SAMM50: variants seen among roughly 807,000 people sequenced by gnomAD.
SAMM50 encodes the protein sorting and assembly machinery component 50 homolog.
A neutral mutation model predicts 66.9 loss-of-function variants in SAMM50; 47 were observed. The ratio of observed to expected loss-of-function variants is 0.70; its 90% CI spans 0.56 to 0.90. The LOEUF is 0.90. SAMM50 is among the 40% of genes least tolerant of loss of function. The probability of loss-of-function intolerance (pLI) is 0.00; values close to 1 mark genes in which losing one functional copy is unlikely to be tolerated. For missense variants in SAMM50, 535 were observed against 595.3 expected, an observed-to-expected ratio of 0.90 and a Z score of 1.05; for synonymous variants, 191 against 214.1, an observed-to-expected ratio of 0.89 and a Z score of 0.94.
chr22:43,996,483 T>G lies in SAMM50; in HGVS notation c.*100T>G. The G allele has an allele frequency of 9.0e-7, 1 of 1,115,170 alleles. No individual in the cohort carries two copies. Among genetic ancestry groups the G allele is most frequent in the Middle Eastern group, 2.0e-4 (1 of 5,058 alleles). The allele number at this position is 1,115,170 out of a possible 1,614,324, so 69.1% of individuals were successfully genotyped here. ...AAACGCGGTTCAGCGATTCTTTGAC[T>G]GCGGACCCTGTGGGAAACCCCGTCA... is the stretch of plus-strand genomic sequence containing the variant. On this transcript the variant is annotated 3_prime_UTR_variant, in exon 15 of 15. Coordinates refer to ENST00000350028, the MANE Select transcript of SAMM50 (RefSeq NM_015380.5).
intron 4 of SAMM50, among the ~76,000 whole-genome samples, chr22:43,971,927 G>A (rs1210278105): frequency 1.3e-5 from 2 of 152,064 alleles, no homozygotes; most frequent in Non-Finnish European, 2.9e-5. Context: ...TGAACTCTTG[G>A]CCTGAAAGTG....
intron 1 of SAMM50, chr22:43,957,187 G>A (rs2146802743): frequency 1.1e-5 from 8 of 701,520 alleles, no homozygotes; most frequent in East Asian, 2.5e-5. Flanking sequence ...GAACAACATA[G>A]TGACTCCTGG....
In SAMM50 at chr22:43,989,248, C is replaced by G; in HGVS notation, c.1213C>G (p.Leu405Val). 6.2e-7 allele frequency: 1 copy of G among 1,614,134 alleles called. No individual in the cohort carries two copies. Among genetic ancestry groups the G allele is most frequent in the Non-Finnish European group, 8.5e-7 (1 of 1,180,004 alleles). ...TCTCAACGCAGGAAACCTCTGCAAC[C>G]TCAACTATGGTAAAACTTGCGCTAT... ...FFLNAGNLCN[L>V]NYGEGPKAHI... The change falls in exon 13 of 15, where the codon CTC becomes GTC. Residue 405 changes from leucine to valine, a missense_variant. By Grantham distance (32) the Leu-to-Val change is conservative (BLOSUM62 1). Coordinates refer to ENST00000350028, the MANE Select transcript of SAMM50 (RefSeq NM_015380.5).
At chr22:43,959,762 G>A (rs1414338285) in intron 1 of SAMM50, among the ~76,000 whole-genome samples, 1 of 152,152 alleles carries the variant, frequency 6.6e-6, no homozygotes, top group African/African-American at 2.4e-5. Context: ...TTCTATGAGG[G>A]TGAGGTTCTT....
chr22:43,977,569 G>A (rs1035300679), intron 9 of SAMM50, among the ~76,000 whole-genome samples: 4 of 152,154 alleles, frequency 2.6e-5, no homozygotes, highest in South Asian at 2.1e-4. Context: ...CCCAAATGCC[G>A]ATGAAGCCAA....
At chr22:43,986,833 G>T (rs934459502) in intron 12 of SAMM50, 1 of 152,166 alleles carries the variant, frequency 6.6e-6, no homozygotes, top group African/African-American at 2.4e-5. Flanking sequence ...TATTACAGGC[G>T]TGAGTCACTG....
intron 7 of SAMM50, among the ~76,000 whole-genome samples, chr22:43,974,422 G>A (rs954746841): frequency 5.3e-5 from 8 of 152,228 alleles, no homozygotes; most frequent in Non-Finnish European, 1.2e-4. Flanking sequence ...GATGAGAGGC[G>A]TGGTAAAGCT....
rs3083316 is a variant in SAMM50 at position 43,958,476 on chromosome 22, C to CTTTTTT, written c.21+2893_21+2898dup. 3.1e-3 allele frequency among the ~76,000 whole-genome samples: 354 copies of CTTTTTT among 112,516 alleles called. 14 individuals carry two copies. The highest frequency in any genetic ancestry group is 7.8e-3 in the South Asian group (25 of 3,218). The allele number at this position is 112,516 out of a possible 152,430, so 73.8% of individuals were successfully genotyped here. A position where few individuals can be genotyped will look rare whatever the true frequency, so the allele number is the denominator to read the frequency against. On this transcript the variant is annotated intron_variant, in intron 1 of 14. Coordinates refer to ENST00000350028, the MANE Select transcript of SAMM50 (RefSeq NM_015380.5). ...AAAAAGTATCTGCCTTTATGGAGCT[C>CTTTTTT]TTTTTTTTTTTTTTTTTTTTGAGGC...
chr22:43,956,914 A>G, intron 1 of SAMM50: 1 of 483,760 alleles, frequency 2.1e-6, no homozygotes, highest in South Asian at 3.6e-5. Context: ...GGGGATGCAA[A>G]TAGTATCTGT....
At chr22:43,996,296 T>C (rs1301034510) in intron 14 of SAMM50, 42 bp from the exon 15 acceptor site, 1 of 1,610,588 alleles carries the variant, frequency 6.2e-7, no homozygotes, top group Non-Finnish European at 8.5e-7. Context: ...ATGGCAGGGC[T>C]GGCGGAGCGG....
At chr22:43,996,172 GGAAGCAGCC>G (rs1405895409) in intron 14 of SAMM50, 157 bp from the exon 15 acceptor site, 1 of 748,302 alleles carries the variant, frequency 1.3e-6, no homozygotes, top group Non-Finnish European at 2.4e-6. Flanking sequence ...CAGCAAAGGA[GGAAGCAGCC>G]GGGGCCGGTG....
At chr22:43,969,386 C>T (rs1195195950) in intron 4 of SAMM50, among the ~76,000 whole-genome samples, 5 of 152,206 alleles carry the variant, frequency 3.3e-5, no homozygotes, top group Admixed American at 6.5e-5. Flanking sequence ...GCACCTGCTT[C>T]GAGGCCAGCC....
chr22:43,981,266 C>T (rs906442688), intron 10 of SAMM50, 125 bp from the exon 11 acceptor site: 12 of 743,024 alleles, frequency 1.6e-5, no homozygotes, highest in East Asian at 5.4e-5. Flanking sequence ...TCCTGCGGCC[C>T]TTGCACCCCA....
At chr22:43,979,967 C>G (rs548930606) in intron 10 of SAMM50, among the ~76,000 whole-genome samples, 1 of 150,780 alleles carries the variant, frequency 6.6e-6, no homozygotes, top group East Asian at 2.0e-4. Context: ...TGCAAGCCTT[C>G]TTCAACCTCC....
intron 11 of SAMM50, among the ~76,000 whole-genome samples, chr22:43,982,138 A>G (rs1569032959): frequency 6.6e-6 from 1 of 152,204 alleles, no homozygotes; most frequent in African/African-American, 2.4e-5. Flanking sequence ...GTTAAAATAT[A>G]CTGGTACAGC....
intron 9 of SAMM50, 28 bp from the exon 10 acceptor site, chr22:43,977,844 C>T (rs1260158836): frequency 6.5e-7 from 1 of 1,540,156 alleles, no homozygotes; most frequent in Non-Finnish European, 9.0e-7. Context: ...TGTTTGCTCC[C>T]TTTGACCTGA....
chr22:43,976,463 G>A (rs972399940), intron 8 of SAMM50, among the ~76,000 whole-genome samples: 1 of 152,230 alleles, frequency 6.6e-6, no homozygotes, highest in African/African-American at 2.4e-5. Context: ...ACTGAGGCCA[G>A]GGCGTCGAGC....
chr22:43,973,866 G>A (rs2050217306), intron 7 of SAMM50, among the ~76,000 whole-genome samples: 2 of 152,146 alleles, frequency 1.3e-5, no homozygotes, highest in South Asian at 4.1e-4. Flanking sequence ...GCCCGTCTCA[G>A]CCTCCCAAAG....
intron 10 of SAMM50, among the ~76,000 whole-genome samples, chr22:43,980,552 T>C (rs1569032341): frequency 6.6e-6 from 1 of 151,798 alleles, no homozygotes; most frequent in Non-Finnish European, 1.5e-5. Context: ...CAGGAGGGCC[T>C]TGGAGGCCGG....
Sources: allele counts gnomAD v4.1 joint callset (sites outside exome capture counted in the v4.1 genomes callset), GRCh38; gene constraint gnomAD v4.1.1; transcripts MANE v1.5; gene names NCBI Gene and HGNC (gene_info 2026-07-23, HGNC 2026-07-21).